The following ADGRL2 variants were observed in gnomAD, a reference collection of about 807,000 sequenced individuals.
The protein encoded by ADGRL2 is adhesion G protein-coupled receptor L2.
A neutral mutation model predicts 157.4 loss-of-function variants in ADGRL2; 44 were observed. The ratio of observed to expected loss-of-function variants is 0.28; its 90% CI spans 0.22 to 0.36. The LOEUF is 0.36. Among genes scored for constraint, ADGRL2 ranks in the 10% least tolerant of loss-of-function variants. The probability of loss-of-function intolerance (pLI) is 1.00; values close to 1 mark genes in which losing one functional copy is unlikely to be tolerated. For missense variants in ADGRL2, 1,510 were observed against 1,768.9 expected (o/e 0.85, Z 2.63); for synonymous variants, 585 against 624.7 (o/e 0.94, Z 0.95).
chr1:81,496,353 C>T (rs989109161), intron 2 of ADGRL2, among the ~76,000 whole-genome samples: 9 of 152,248 alleles, frequency 5.9e-5, no homozygotes, highest in African/African-American at 1.9e-4. Context: ...AACTGCAAGT[C>T]GCTCTTTTTT....
At chr1:81,499,511 T>G (rs2148003033) in intron 2 of ADGRL2, among the ~76,000 whole-genome samples, 1 of 152,368 alleles carries the variant, frequency 6.6e-6, no homozygotes, top group Non-Finnish European at 1.5e-5. Context: ...CCTGTTTGTC[T>G]TATTTAATAG....
intron 2 of ADGRL2, among the ~76,000 whole-genome samples, chr1:81,869,049 T>G (rs1183018646): frequency 6.6e-6 from 1 of 152,056 alleles, no homozygotes; most frequent in Non-Finnish European, 1.5e-5. Flanking sequence ...AAGAAAATAG[T>G]TTAGAGATGA....
intron 1 of ADGRL2, among the ~76,000 whole-genome samples, chr1:81,747,975 G>C (rs1024769272): frequency 6.6e-6 from 1 of 152,078 alleles, no homozygotes; most frequent in East Asian, 1.9e-4. Flanking sequence ...TTTAAGCCAG[G>C]TTTTAAAATT....
At chr1:81,851,262 G>C (rs545226498) in intron 2 of ADGRL2, among the ~76,000 whole-genome samples, 1 of 151,926 alleles carries the variant, frequency 6.6e-6, no homozygotes, top group African/African-American at 2.4e-5. Flanking sequence ...CTACACTGAA[G>C]TCAGCTAACG....
At chr1:81,760,444 G>A (rs1251359776) in intron 1 of ADGRL2, among the ~76,000 whole-genome samples, 1 of 152,058 alleles carries the variant, frequency 6.6e-6, no homozygotes, top group African/African-American at 2.4e-5. Flanking sequence ...CTCATGGAAT[G>A]TCTCCTTACT....
At chr1:81,563,532 TG>T (rs142376637) in intron 2 of ADGRL2, among the ~76,000 whole-genome samples, 2,048 of 152,324 alleles carry the variant, frequency 0.013, 50 homozygotes, top group African/African-American at 0.046. Context: ...TAATATGGCC[TG>T]TATGATGTAG....
At chr1:81,358,741 G>T (rs2075916731) in intron 1 of ADGRL2, among the ~76,000 whole-genome samples, 1 of 152,038 alleles carries the variant, frequency 6.6e-6, no homozygotes. Context: ...ACCTACTGTT[G>T]TCCTCACCTA....
chr1:81,859,174 T>C (rs2093308567), intron 2 of ADGRL2, among the ~76,000 whole-genome samples: 1 of 152,190 alleles, frequency 6.6e-6, no homozygotes. Context: ...CTTTTAATAA[T>C]TTGAGCATCA....
intron 4 of ADGRL2, among the ~76,000 whole-genome samples, chr1:81,938,856 A>G (rs1269778712): frequency 2.0e-5 from 3 of 150,986 alleles, no homozygotes; most frequent in African/African-American, 7.3e-5. Flanking sequence ...GTTTCTTTCT[A>G]CCTCTGTCCA....
intron 1 of ADGRL2, among the ~76,000 whole-genome samples, chr1:81,824,456 TG>T (rs1297646068): frequency 3.3e-5 from 5 of 151,874 alleles, no homozygotes; most frequent in Non-Finnish European, 7.4e-5. Flanking sequence ...TTTAATTTTT[TG>T]TAGAGATGGA....
At chr1:81,619,319 G>A (rs2081737762) in intron 3 of ADGRL2, among the ~76,000 whole-genome samples, 1 of 151,376 alleles carries the variant, frequency 6.6e-6, no homozygotes, top group Non-Finnish European at 1.5e-5. Flanking sequence ...CACCTGCCGT[G>A]CCTTTAGTAC....
rs202111868 is a variant in ADGRL2, at chr1:81,461,933, G to GGA, written c.-248+16845_-248+16846insAG. Among the ~76,000 whole-genome samples the GGA allele has an allele frequency of 6.6e-3, 807 of 121,824 alleles. 41 individuals carry two copies. The highest frequency in any genetic ancestry group is 0.017 in the Admixed American group (191 of 10,970). 79.9% of individuals were successfully genotyped at this position (121,824 alleles called of 152,430 possible). A position where few individuals can be genotyped will look rare whatever the true frequency, so the allele number is the denominator to read the frequency against. ...CAAAGAAGGAAGAAAAGAAGAAAGG[G>GGA]GGGGGGGGGTGGTGGAGAAAGAGAG... On this transcript the variant is annotated intron_variant, in intron 2 of 24. Coordinates refer to the ADGRL2 transcript ENST00000370721.
chr1:81,557,499 A>C (rs1275427041), intron 2 of ADGRL2: 4 of 111,272 alleles, frequency 3.6e-5, no homozygotes, highest in African/African-American at 1.6e-4. Context: ...GAAAGAAAGA[A>C]AGAAAGAAAG....
chr1:81,571,229 G>A (rs1192667967), intron 2 of ADGRL2, among the ~76,000 whole-genome samples: 2 of 151,588 alleles, frequency 1.3e-5, no homozygotes, highest in African/African-American at 4.8e-5. Flanking sequence ...GGAGGCTGAG[G>A]CATGAGAATT....
chr1:81,786,140 C>G (rs955400772), intron 2 of ADGRL2, among the ~76,000 whole-genome samples: 1 of 151,714 alleles, frequency 6.6e-6, no homozygotes, highest in South Asian at 2.1e-4. Flanking sequence ...GAGTTATATT[C>G]CATAGGAAAA....
chr1:81,625,903 T>A (rs964622485), intron 3 of ADGRL2, among the ~76,000 whole-genome samples: 1 of 152,198 alleles, frequency 6.6e-6, no homozygotes, highest in Non-Finnish European at 1.5e-5. Flanking sequence ...AATTGTGGAC[T>A]ATATAGAGTT....
At chr1:81,886,869 A>G (rs2094139675) in intron 2 of ADGRL2, among the ~76,000 whole-genome samples, 1 of 152,170 alleles carries the variant, frequency 6.6e-6, no homozygotes, top group African/African-American at 2.4e-5. Context: ...AGGATTCTAT[A>G]TATAATTAAT....
intron 1 of ADGRL2, among the ~76,000 whole-genome samples, chr1:81,351,463 C>A (rs1662880547): frequency 6.6e-6 from 1 of 151,840 alleles, no homozygotes; most frequent in Admixed American, 6.6e-5. Flanking sequence ...TGTATTATGA[C>A]AAGGATGATA....
intron 4 of ADGRL2, among the ~76,000 whole-genome samples, chr1:81,937,474 G>A (rs998609301): frequency 6.6e-6 from 1 of 151,736 alleles, no homozygotes; most frequent in Non-Finnish European, 1.5e-5. Flanking sequence ...GGTAGGCTTC[G>A]GCCAGTAGTC....
Sources: allele counts gnomAD v4.1 joint callset (sites outside exome capture counted in the v4.1 genomes callset), GRCh38; gene constraint gnomAD v4.1.1; transcripts MANE v1.5; gene names NCBI Gene and HGNC (gene_info 2026-07-23, HGNC 2026-07-21).